Variants in NIPAL3 observed in about 807,000 individuals in gnomAD.
NIPAL3 encodes the protein NIPA like domain containing 3.
Under a neutral mutation model 47.2 loss-of-function variants are expected in NIPAL3, and 41 were observed. The ratio of observed to expected loss-of-function variants is 0.87; its 90% CI spans 0.68 to 1.13. The LOEUF is 1.13. Ranked by LOEUF, NIPAL3 falls within the 50% of genes most tolerant of loss-of-function variation. The pLI is 0.00. For synonymous variants in NIPAL3, 194 were observed against 209.6 expected (o/e 0.93, Z 0.64); for missense variants, 449 against 530.1 (o/e 0.85, Z 1.50).
At chr1:24,440,121 C>T (rs1439892083) in intron 2 of NIPAL3, 51 bp from the exon 3 acceptor site, 5 of 1,392,850 alleles carry the variant, frequency 3.6e-6, no homozygotes, top group East Asian at 5.1e-5. Flanking sequence ...TGTCCTGGGG[C>T]CCCCTGGCTT....
At chr1:24,424,194 T>G (rs1438934849) in intron 2 of NIPAL3, among the ~76,000 whole-genome samples, 1 of 152,152 alleles carries the variant, frequency 6.6e-6, no homozygotes, top group Non-Finnish European at 1.5e-5. Flanking sequence ...TGATGATGAT[T>G]GAGTTGACTG....
chr1:24,464,521 G>A (rs926542219), intron 11 of NIPAL3: 1 of 153,738 alleles, frequency 6.5e-6, no homozygotes, highest in Non-Finnish European at 1.4e-5. Context: ...TGCCACAAGG[G>A]AGTGCATCAT....
intron 2 of NIPAL3, chr1:24,433,126 T>C (rs1334441803): frequency 6.6e-6 from 1 of 152,204 alleles, no homozygotes; most frequent in East Asian, 1.9e-4. Flanking sequence ...GTAAGTACCG[T>C]TAATAACTCC....
At chr1:24,418,948 A>G (rs536916466) in intron 1 of NIPAL3, among the ~76,000 whole-genome samples, 1 of 145,320 alleles carries the variant, frequency 6.9e-6, no homozygotes, top group Admixed American at 6.8e-5. Flanking sequence ...AGACCTGGAG[A>G]AGTTAGTATT....
At chr1:24,464,320 G>T in intron 11 of NIPAL3, 200 bp downstream of exon 11, 1 of 392,712 alleles carries the variant, frequency 2.5e-6, no homozygotes, top group Non-Finnish European at 4.6e-6. Flanking sequence ...AGCACATCTT[G>T]CCAGTTCTGT....
Position 24,460,531 on chromosome 1 carries a change from A to T in NIPAL3, c.913A>T (p.Met305Leu), listed in dbSNP as rs764114672. 3.5e-5 allele frequency: 55 copies of T among 1,580,864 alleles called. 1 individual carries two copies. The Admixed American group carries it at 6.4e-4, about 18-fold the overall frequency. ...FIGEDVLHIC[M>L]FALGCLIAFL... Reference sequence around the variant, plus strand: ...CGGGGAGGACGTGCTGCACATCTGCATGTTTGCACTGGGGTGAGTTCTGTC... The same window carrying T: ...CGGGGAGGACGTGCTGCACATCTGCTTGTTTGCACTGGGGTGAGTTCTGTC... The change falls in exon 10 of 12, where the codon ATG (methionine) becomes TTG (leucine). Residue 305 changes from methionine to leucine, a missense_variant. Physicochemically the swap from Met to Leu is conservative, Grantham distance 15. Coordinates refer to ENST00000374399, the MANE Select transcript of NIPAL3 (RefSeq NM_020448.5).
At chr1:24,464,460 G>T (rs75182948) in intron 11 of NIPAL3, 2,079 of 168,812 alleles carry the variant, frequency 0.012, 52 homozygotes, top group African/African-American at 0.047. Flanking sequence ...TCAGAAAGGG[G>T]AAGGAGAATG....
chr1:24,454,927 G>A lies in NIPAL3; in HGVS notation c.638-1211G>A, dbSNP rs949522129. Reference sequence around the variant, plus strand: ...CGGTGACTTTGTTTTCAAAGTGGATGGGAAGGATCACGGCCCTGAAACATC... The same window carrying A: ...CGGTGACTTTGTTTTCAAAGTGGATAGGAAGGATCACGGCCCTGAAACATC... On this transcript the variant is annotated intron_variant, in intron 7 of 11. Transcript: ENST00000374399. The surrounding 1 kb of genome is among the most constrained non-coding windows in gnomAD (Gnocchi z 4.1). 2.6e-5 allele frequency: 4 copies of A among 152,318 alleles called. No individual in the cohort carries two copies. The Middle Eastern group carries it at 0.01, about 389-fold the overall frequency. 9.4% of individuals were successfully genotyped at this position (152,318 alleles called of 1,614,324 possible). A position where few individuals can be genotyped will look rare whatever the true frequency, so the allele number is the denominator to read the frequency against.
intron 9 of NIPAL3, 37 bp downstream of exon 9, chr1:24,459,013 T>C (rs888647408): frequency 8.2e-6 from 13 of 1,577,034 alleles, no homozygotes; most frequent in Non-Finnish European, 2.6e-6. Flanking sequence ...TGTCTTCTAC[T>C]TTAGCAGCAG....
intron 11 of NIPAL3, 146 bp downstream of exon 11, chr1:24,464,266 G>A (rs1027342513): frequency 5.0e-6 from 3 of 594,212 alleles, no homozygotes; most frequent in African/African-American, 3.8e-5. Flanking sequence ...TTTTAATTTT[G>A]TGCAAAAGGG....
intron 1 of NIPAL3, among the ~76,000 whole-genome samples, chr1:24,417,570 T>C (rs1644118524): frequency 6.6e-6 from 1 of 152,228 alleles, no homozygotes; most frequent in African/African-American, 2.4e-5. Context: ...GTGAATTACC[T>C]GATAAAGTTA....
At chr1:24,441,932 C>G (rs1645406434) in intron 3 of NIPAL3, 123 bp from the exon 4 acceptor site, 2 of 951,966 alleles carry the variant, frequency 2.1e-6, no homozygotes, top group Non-Finnish European at 3.2e-6. Context: ...AGTCAGGACT[C>G]CACAAGAACC....
intron 2 of NIPAL3, among the ~76,000 whole-genome samples, chr1:24,438,574 C>A (rs1416468313): frequency 1.3e-5 from 2 of 152,244 alleles, no homozygotes; most frequent in African/African-American, 4.8e-5. Flanking sequence ...TTCACTGTTA[C>A]TGCTGACTGT....
intron 9 of NIPAL3, 132 bp from the exon 10 acceptor site, chr1:24,460,349 G>A: frequency 1.4e-6 from 1 of 711,048 alleles, no homozygotes; most frequent in Non-Finnish European, 2.3e-6. Flanking sequence ...CTTTCTTCTT[G>A]TAAGGCACAG....
chr1:24,465,490 G>C (rs1306504730), intron 11 of NIPAL3: 1 of 152,210 alleles, frequency 6.6e-6, no homozygotes, highest in East Asian at 1.9e-4. Flanking sequence ...GGTAGTCTTA[G>C]ATATCAACAT....
intron 8 of NIPAL3, among the ~76,000 whole-genome samples, chr1:24,456,830 T>C (rs2148843729): frequency 6.6e-6 from 1 of 152,296 alleles, no homozygotes; most frequent in African/African-American, 2.4e-5. Flanking sequence ...TAGAGCCATC[T>C]CGGCTCACTG....
At chr1:24,429,148 C>T (rs1265711279) in intron 2 of NIPAL3, among the ~76,000 whole-genome samples, 1 of 151,946 alleles carries the variant, frequency 6.6e-6, no homozygotes, top group Non-Finnish European at 1.5e-5. Context: ...GGTGGCTCAC[C>T]CCTGTAATCC....
At chr1:24,436,605 C>T (rs1056028036) in intron 2 of NIPAL3, among the ~76,000 whole-genome samples, 1 of 151,960 alleles carries the variant, frequency 6.6e-6, no homozygotes, top group African/African-American at 2.4e-5. Flanking sequence ...TCTCCTGCCT[C>T]GGCCTCCTGA....
intron 2 of NIPAL3, among the ~76,000 whole-genome samples, chr1:24,430,427 T>G (rs1644827651): frequency 6.6e-6 from 1 of 152,098 alleles, no homozygotes; most frequent in Admixed American, 6.6e-5. Flanking sequence ...TTTTTGTATT[T>G]TTGGTAGAGA....
Sources: allele counts gnomAD v4.1 joint callset (sites outside exome capture counted in the v4.1 genomes callset), GRCh38; gene constraint gnomAD v4.1.1; non-coding constraint Gnocchi (gnomAD v3.1); transcripts MANE v1.5; gene names NCBI Gene and HGNC (gene_info 2026-07-23, HGNC 2026-07-21).